The following SPTLC3 variants were observed in gnomAD, a reference collection of about 807,000 sequenced individuals.
SPTLC3 encodes the protein serine palmitoyltransferase long chain base subunit 3.
A neutral mutation model predicts 59.3 loss-of-function variants in SPTLC3; 36 were observed. That is an observed-to-expected ratio of 0.61 (90% CI 0.47 to 0.80). SPTLC3 has a LOEUF of 0.80. Ranked by LOEUF, SPTLC3 falls within the 30% of genes least tolerant of loss-of-function variation. The pLI, the probability that SPTLC3 is intolerant of heterozygous loss-of-function variation, is 0.00. For synonymous variants in SPTLC3, 257 were observed against 240.8 expected (o/e 1.07, Z -0.62); for missense variants, 625 against 685.1 (o/e 0.91, Z 0.98).
chr20:13,039,082 A>C (rs571462017), intron 1 of SPTLC3, among the ~76,000 whole-genome samples: 1 of 152,202 alleles, frequency 6.6e-6, no homozygotes, highest in African/African-American at 2.4e-5. Flanking sequence ...CGCTTTAGAA[A>C]AATGTGTATT....
At chr20:13,047,787 G>A (rs936862693) in intron 1 of SPTLC3, among the ~76,000 whole-genome samples, 1 of 151,970 alleles carries the variant, frequency 6.6e-6, no homozygotes, top group African/African-American at 2.4e-5. Flanking sequence ...CAGACATACA[G>A]AAGAGTAGAA....
intron 9 of SPTLC3, among the ~76,000 whole-genome samples, chr20:13,143,320 T>C (rs938649115): frequency 6.6e-6 from 1 of 152,192 alleles, no homozygotes; most frequent in Non-Finnish European, 1.5e-5. Flanking sequence ...TTGTGAACCA[T>C]AGAATTTTTC....
At chr20:13,092,739 T>A (rs1568598152) in intron 5 of SPTLC3, among the ~76,000 whole-genome samples, 2 of 152,166 alleles carry the variant, frequency 1.3e-5, no homozygotes, top group African/African-American at 2.4e-5. Flanking sequence ...CAAAGCATGC[T>A]GTATGTGAAA....
chr20:13,127,734 A>G (rs112964736), intron 9 of SPTLC3, among the ~76,000 whole-genome samples: 2 of 152,188 alleles, frequency 1.3e-5, no homozygotes, highest in African/African-American at 2.4e-5. Context: ...TTGAAAGACA[A>G]GACTTTTTCT....
intron 6 of SPTLC3, among the ~76,000 whole-genome samples, chr20:13,093,872 G>A (rs1989318470): frequency 6.6e-6 from 1 of 152,188 alleles, no homozygotes; most frequent in Admixed American, 6.5e-5. Context: ...TTAATTATCA[G>A]AAGTGTTATT....
intron 8 of SPTLC3, among the ~76,000 whole-genome samples, chr20:13,125,504 T>C (rs2037968460): frequency 1.3e-5 from 2 of 152,202 alleles, no homozygotes; most frequent in Non-Finnish European, 2.9e-5. Flanking sequence ...AAATTTGGTG[T>C]CTAAAAACAC....
chr20:13,077,045 T>C (rs753530796), intron 4 of SPTLC3, among the ~76,000 whole-genome samples: 1 of 152,016 alleles, frequency 6.6e-6, no homozygotes, highest in African/African-American at 2.4e-5. Flanking sequence ...AACTAGAAAA[T>C]AGTGGAATAC....
intron 2 of SPTLC3, among the ~76,000 whole-genome samples, chr20:13,058,919 C>T (rs1371058158): frequency 6.6e-6 from 1 of 152,094 alleles, no homozygotes; most frequent in Non-Finnish European, 1.5e-5. Flanking sequence ...TTCGAAGACC[C>T]AGCAGACCAA....
intron 1 of SPTLC3, among the ~76,000 whole-genome samples, chr20:13,047,544 G>A (rs1431438): frequency 1 from 151,535 of 152,186 alleles, 75,447 homozygotes; most frequent in Middle Eastern, 1. Flanking sequence ...AGATTGATTT[G>A]TATTTATTGA....
intron 6 of SPTLC3, among the ~76,000 whole-genome samples, chr20:13,108,637 T>TA: frequency 6.6e-6 from 1 of 151,750 alleles, no homozygotes; most frequent in East Asian, 1.9e-4. Context: ...TGCAGTGGTG[T>TA]GATCTCGGCT....
chr20:13,119,451 C>T (rs1990778408), intron 8 of SPTLC3, among the ~76,000 whole-genome samples: 1 of 152,162 alleles, frequency 6.6e-6, no homozygotes, highest in African/African-American at 2.4e-5. Flanking sequence ...CGTTCTTGTC[C>T]ACACAATTTC....
chr20:13,074,522 C>G, intron 4 of SPTLC3, 25 bp downstream of exon 4: 3 of 1,589,444 alleles, frequency 1.9e-6, no homozygotes, highest in Non-Finnish European at 2.6e-6. Flanking sequence ...TGTTTTGAAA[C>G]TTTTTGCTGT....
chr20:13,144,593 T>A (rs893000536), intron 9 of SPTLC3, among the ~76,000 whole-genome samples: 2 of 152,214 alleles, frequency 1.3e-5, no homozygotes, highest in Non-Finnish European at 2.9e-5. Context: ...CTTCAGTTAT[T>A]ATCAATCATT....
At chr20:13,010,069 G>C (rs111790881) in intron 1 of SPTLC3, among the ~76,000 whole-genome samples, 1 of 151,130 alleles carries the variant, frequency 6.6e-6, no homozygotes, top group Non-Finnish European at 1.5e-5. Flanking sequence ...TTATTGCACC[G>C]GGATGTTTGC....
At chr20:13,160,261 G>T (rs1023948110) in intron 11 of SPTLC3, 129 bp downstream of exon 11, 15 of 1,147,324 alleles carry the variant, frequency 1.3e-5, no homozygotes, top group Non-Finnish European at 1.7e-5. Flanking sequence ...ACTGACAAAA[G>T]TCACTGCCAA....
intron 1 of SPTLC3, among the ~76,000 whole-genome samples, chr20:13,021,167 G>T (rs887154792): frequency 2.0e-5 from 3 of 152,034 alleles, no homozygotes; most frequent in Non-Finnish European, 2.9e-5. Context: ...GACTTCCAGG[G>T]TATTACACTC....
chr20:13,024,918 C>T (rs1404912880), intron 1 of SPTLC3, among the ~76,000 whole-genome samples: 1 of 152,172 alleles, frequency 6.6e-6, no homozygotes, highest in Non-Finnish European at 1.5e-5. Flanking sequence ...TCTTCTTGAA[C>T]ACATGAAGAA....
intron 2 of SPTLC3, among the ~76,000 whole-genome samples, chr20:13,059,993 C>G (rs1026244762): frequency 6.6e-6 from 1 of 152,172 alleles, no homozygotes; most frequent in Non-Finnish European, 1.5e-5. Flanking sequence ...ACTGACTGTT[C>G]TAAGTGGCAA....
intron 9 of SPTLC3, among the ~76,000 whole-genome samples, chr20:13,133,903 C>A (rs562024992): frequency 3.3e-5 from 5 of 152,302 alleles, no homozygotes; most frequent in Non-Finnish European, 7.4e-5. Flanking sequence ...TTTATTCAAC[C>A]TTTACTCAGC....
Sources: allele counts gnomAD v4.1 joint callset (sites outside exome capture counted in the v4.1 genomes callset), GRCh38; gene constraint gnomAD v4.1.1; transcripts MANE v1.5; gene names NCBI Gene and HGNC (gene_info 2026-07-23, HGNC 2026-07-21).